SLC39A10: variants seen among roughly 807,000 people sequenced by gnomAD.
SLC39A10 encodes solute carrier family 39 member 10.
Under a neutral mutation model 65.1 loss-of-function variants are expected in SLC39A10, and 13 were observed. That is an observed-to-expected ratio of 0.20 (90% confidence interval 0.13 to 0.32). SLC39A10 has a LOEUF of 0.32. Ranked by LOEUF, SLC39A10 falls within the 10% of genes least tolerant of loss-of-function variation. The probability of loss-of-function intolerance (pLI) is 1.00; values close to 1 mark genes in which losing one functional copy is unlikely to be tolerated. For missense variants in SLC39A10, 831 were observed against 1,018.4 expected, an observed-to-expected ratio of 0.82 and a Z score of 2.50; for synonymous variants, 321 against 342.2, an observed-to-expected ratio of 0.94 and a Z score of 0.68.
chr2:195,688,918 T>A (rs1690622806), intron 3 of SLC39A10, among the ~76,000 whole-genome samples: 1 of 152,198 alleles, frequency 6.6e-6, no homozygotes, highest in African/African-American at 2.4e-5. Context: ...TAGCTCAAAT[T>A]TAGAAGGACT....
chr2:195,634,718 T>A lies in SLC39A10; in HGVS notation c.-12+28485T>A, dbSNP rs549630946. Among the ~76,000 whole-genome samples, 72 of 152,298 alleles carry A rather than the reference T, an allele frequency of 4.7e-4. 1 individual carries two copies. Among genetic ancestry groups the A allele is most frequent in the Admixed American group, 4.6e-3 (71 of 15,302 alleles). ...TCTCATATAATAAGAATTCTAGCGA[T>A]AGGACAGTTTCAGTGTTGAGTAATT... On this transcript the variant is annotated intron_variant, in intron 2 of 2. Transcript: ENST00000458054.
At chr2:195,640,848 G>T (rs1008859679) in intron 2 of SLC39A10, among the ~76,000 whole-genome samples, 1 of 152,152 alleles carries the variant, frequency 6.6e-6, no homozygotes, top group Non-Finnish European at 1.5e-5. Flanking sequence ...GAGAGTTGGG[G>T]TGTTGCTTGA....
rs188606584 is a variant in SLC39A10 at position 195,680,590 on chromosome 2, G to A, written c.548G>A (p.Arg183His). ...DHNHRLRHHH[R>H]LHHHLDHNNT... is the part of the protein sequence containing the mutation. ...AATCACCGCCTACGTCATCACCATCGTTTGCATCATCATCTTGATCATAAC... is the reference window on the plus strand; with the variant it reads ...AATCACCGCCTACGTCATCACCATCATTTGCATCATCATCTTGATCATAAC... Residue 183 changes from arginine to histidine, a missense_variant, in exon 2 of 10, where the codon CGT (arginine) becomes CAT (histidine). This residue lies in a region of SLC39A10 where 446 missense variants were observed against 499.2 expected (regional missense o/e 0.89). Coordinates refer to ENST00000359634, the MANE Select transcript of SLC39A10 (RefSeq NM_020342.3). The A allele has an allele frequency of 6.8e-5, 110 of 1,613,984 alleles. No homozygotes were observed. Among genetic ancestry groups the A allele is most frequent in the Non-Finnish European group, 9.1e-5 (107 of 1,180,018 alleles).
In SLC39A10 at chr2:195,736,840, CTGA is replaced by C. The variant is rs928390463; in HGVS notation, c.*1801_*1803del. The stretch of plus-strand genomic sequence containing the variant: ...CTTCAAGCAACCTAGCTAAAAGGTG[CTGA>C]TATTTTATTTAGTACTGCCAACTTC... On this transcript the variant is annotated 3_prime_UTR_variant, in exon 10 of 10. Transcript: ENST00000359634. The C allele has an allele frequency of 1.3e-5, 2 of 152,436 alleles. No individual in the cohort carries two copies. The highest frequency in any genetic ancestry group is 1.3e-4 in the Admixed American group (2 of 15,232). The allele number at this position is 152,436 out of a possible 1,614,324, so 9.4% of individuals were successfully genotyped here.
intron 9 of SLC39A10, among the ~76,000 whole-genome samples, chr2:195,732,798 G>A (rs1692469958): frequency 6.6e-6 from 1 of 152,180 alleles, no homozygotes; most frequent in South Asian, 2.1e-4. Flanking sequence ...CTCTGCTGTG[G>A]TAGTGTGTGG....
At chr2:195,734,117 T>G (rs1341983111) in intron 9 of SLC39A10, among the ~76,000 whole-genome samples, 1 of 149,886 alleles carries the variant, frequency 6.7e-6, no homozygotes, top group African/African-American at 2.5e-5. Context: ...AGTGAAACCA[T>G]TTTGAATTAG....
chr2:195,694,922 G>A (rs1330582147), intron 3 of SLC39A10, among the ~76,000 whole-genome samples: 1 of 152,182 alleles, frequency 6.6e-6, no homozygotes, highest in Non-Finnish European at 1.5e-5. Flanking sequence ...GGTCTGAAGG[G>A]TGAGCACAGC....
At chr2:195,717,359 A>G (rs1049889623) in intron 7 of SLC39A10, 2 of 173,536 alleles carry the variant, frequency 1.2e-5, no homozygotes, top group African/African-American at 4.7e-5. Flanking sequence ...AATTTGCCAT[A>G]TCTTTGAAAA....
intron 2 of SLC39A10, among the ~76,000 whole-genome samples, chr2:195,625,267 T>C (rs1688447881): frequency 7.7e-6 from 1 of 130,322 alleles, no homozygotes; most frequent in African/African-American, 2.8e-5. Context: ...GTTGACAACT[T>C]TTTTTCTTTT....
chr2:195,620,915 T>C (rs941395783), intron 2 of SLC39A10, among the ~76,000 whole-genome samples: 5 of 152,194 alleles, frequency 3.3e-5, no homozygotes, highest in African/African-American at 1.2e-4. Flanking sequence ...AGTTCCCACT[T>C]CTTGGATCGC....
chr2:195,715,586 A>G (rs925559633), intron 6 of SLC39A10, among the ~76,000 whole-genome samples: 1 of 151,840 alleles, frequency 6.6e-6, no homozygotes, highest in African/African-American at 2.4e-5. Context: ...CTTTTAAACT[A>G]GGCTTGAATT....
At chr2:195,699,057 C>T (rs1376751634) in intron 3 of SLC39A10, among the ~76,000 whole-genome samples, 7 of 151,968 alleles carry the variant, frequency 4.6e-5, no homozygotes, top group African/African-American at 1.7e-4. Flanking sequence ...TTGTCCATTT[C>T]ATATAGGTTA....
At chr2:195,702,530 C>G (rs1024684977) in intron 3 of SLC39A10, among the ~76,000 whole-genome samples, 1 of 152,208 alleles carries the variant, frequency 6.6e-6, no homozygotes, top group Non-Finnish European at 1.5e-5. Flanking sequence ...AGTTCATTTA[C>G]AGTTTAGGAG....
At chr2:195,711,917 C>T (rs776038124) in intron 5 of SLC39A10, among the ~76,000 whole-genome samples, 34 of 151,976 alleles carry the variant, frequency 2.2e-4, no homozygotes, top group Admixed American at 3.9e-4. Flanking sequence ...CTCTTTAGGA[C>T]TTGTCCGTAT....
chr2:195,713,636 A>T (rs1039152272), intron 6 of SLC39A10, 83 bp downstream of exon 6: 31 of 1,390,106 alleles, frequency 2.2e-5, no homozygotes, highest in Middle Eastern at 2.1e-4. Flanking sequence ...ATTTACATTC[A>T]TTCAATCTGA....
chr2:195,626,940 G>T (rs1175057042), intron 2 of SLC39A10, among the ~76,000 whole-genome samples: 1 of 152,142 alleles, frequency 6.6e-6, no homozygotes, highest in African/African-American at 2.4e-5. Context: ...TGGAGATACG[G>T]TTTCTCTCCT....
intron 4 of SLC39A10, among the ~76,000 whole-genome samples, chr2:195,707,123 T>G (rs1301804613): frequency 6.6e-6 from 1 of 152,194 alleles, no homozygotes; most frequent in African/African-American, 2.4e-5. Context: ...TGATTATGCC[T>G]GTAGGTGGTA....
chr2:195,721,884 A>G (rs961899269), intron 8 of SLC39A10, among the ~76,000 whole-genome samples: 4 of 152,208 alleles, frequency 2.6e-5, no homozygotes, highest in Admixed American at 6.5e-5. Flanking sequence ...CTGAATTGCC[A>G]TAACCTTGAA....
chr2:195,627,756 A>G (rs1185178861), intron 2 of SLC39A10, among the ~76,000 whole-genome samples: 3 of 152,198 alleles, frequency 2.0e-5, no homozygotes, highest in Non-Finnish European at 4.4e-5. Flanking sequence ...TGTATACTGA[A>G]TGGCCAGGAG....
Sources: gnomAD v4.1 joint callset for allele counts (sites outside exome capture counted in the v4.1 genomes callset) on GRCh38, gnomAD v4.1.1 for gene constraint, gnomAD v4.1.1 regional missense constraint, MANE v1.5 for transcripts, NCBI Gene and HGNC (gene_info 2026-07-23, HGNC 2026-07-21) for gene names.